ETS1: variants seen among roughly 807,000 people sequenced by gnomAD.
ETS1 encodes the protein protein C-ets-1.
ETS1 carries 15 observed loss-of-function variants against 58.6 expected under a neutral mutation model. The observed-to-expected ratio is 0.26, with a 90% CI of 0.17 to 0.39. The LOEUF (loss-of-function observed/expected upper bound fraction) is 0.39. ETS1 is among the 10% of genes least tolerant of loss of function. The probability of loss-of-function intolerance (pLI) is 1.00; values close to 1 mark genes in which losing one functional copy is unlikely to be tolerated. For synonymous variants in ETS1, 214 were observed against 218.2 expected (o/e 0.98, Z 0.17); for missense variants, 417 against 610.5 (o/e 0.68, Z 3.34).
chr11:128,493,375 C>T (rs1208797596), intron 3 of ETS1, among the ~76,000 whole-genome samples: 3 of 152,210 alleles, frequency 2.0e-5, no homozygotes, highest in Admixed American at 6.5e-5. Context: ...GGGGCAGGCA[C>T]TTCTGGGTTC....
chr11:128,509,440 G>C (rs1863330787), intron 3 of ETS1, among the ~76,000 whole-genome samples: 1 of 152,122 alleles, frequency 6.6e-6, no homozygotes, highest in Non-Finnish European at 1.5e-5. Context: ...GTCTAATCTG[G>C]AGAGTGGGGG....
chr11:128,490,377 C>T, intron 4 of ETS1, 80 bp downstream of exon 4: 2 of 1,486,888 alleles, frequency 1.3e-6, no homozygotes, highest in Non-Finnish European at 1.9e-6. Context: ...TAACGTCTGC[C>T]TCACACACTC....
intron 5 of ETS1, among the ~76,000 whole-genome samples, chr11:128,488,417 G>A (rs776266430): frequency 3.9e-5 from 6 of 152,094 alleles, no homozygotes; most frequent in African/African-American, 9.7e-5. Flanking sequence ...GGTATAATGC[G>A]GGGTAAAAGT....
intron 3 of ETS1, among the ~76,000 whole-genome samples, chr11:128,503,693 C>A (rs1271971514): frequency 6.6e-6 from 1 of 152,178 alleles, no homozygotes; most frequent in Non-Finnish European, 1.5e-5. Flanking sequence ...CTGCTCCCAA[C>A]AGACTAATTA....
rs185957139 is a variant in ETS1 at position 128,547,212 on chromosome 11, C to T, written c.214+9079G>A. On this transcript the variant is annotated intron_variant, in intron 3 of 9. Coordinates refer to ENST00000392668, the MANE Select transcript of ETS1 (RefSeq NM_001143820.2). ...TCCCAGTTCAACAAAATGTGCACTGCGTACTCTAGAAGTACAATGTGCTAA... is the reference window on the plus strand; with the variant it reads ...TCCCAGTTCAACAAAATGTGCACTGTGTACTCTAGAAGTACAATGTGCTAA... Among the ~76,000 whole-genome samples the T allele has an allele frequency of 2.0e-4, 31 of 152,310 alleles. No homozygotes were observed. The East Asian group carries it at 5.2e-3, about 26-fold the overall frequency.
chr11:128,492,237 C>T (rs188989207), intron 3 of ETS1, among the ~76,000 whole-genome samples: 3 of 152,284 alleles, frequency 2.0e-5, no homozygotes, highest in South Asian at 2.1e-4. Flanking sequence ...AAATATTCCC[C>T]GGACACAAAC....
intron 3 of ETS1, among the ~76,000 whole-genome samples, chr11:128,518,805 C>T (rs955569134): frequency 1.3e-5 from 2 of 152,204 alleles, no homozygotes; most frequent in Admixed American, 6.5e-5. Context: ...CTAAGTATAA[C>T]GCATGTTCCC....
rs1298037969 is a variant in ETS1, at chr11:128,460,010, T to C, written c.*2351A>G. The C allele has an allele frequency of 6.6e-6, 1 of 152,464 alleles. No homozygotes were observed. The highest frequency in any genetic ancestry group is 1.5e-5 in the Non-Finnish European group (1 of 68,020). The allele number at this position is 152,464 out of a possible 1,614,324, so 9.4% of individuals were successfully genotyped here. ...GTTCTACTCTTACCCATTATTGAAATGTGGAAAGACTTACCTAGAAATCTA... is the reference window on the plus strand; with the variant it reads ...GTTCTACTCTTACCCATTATTGAAACGTGGAAAGACTTACCTAGAAATCTA... On this transcript the variant is annotated 3_prime_UTR_variant, in exon 10 of 10. Transcript: ENST00000392668.
At chr11:128,474,660 C>T (rs955684674) in intron 8 of ETS1, among the ~76,000 whole-genome samples, 13 of 152,098 alleles carry the variant, frequency 8.5e-5, no homozygotes, top group African/African-American at 1.2e-4. Flanking sequence ...CCCAGGTCCA[C>T]GCCAGGCACC....
chr11:128,497,438 G>A (rs545609070), intron 3 of ETS1: 4 of 209,802 alleles, frequency 1.9e-5, no homozygotes, highest in African/African-American at 9.4e-5. Flanking sequence ...CTGTAGAGAG[G>A]GCTCAGCACA....
intron 8 of ETS1, among the ~76,000 whole-genome samples, chr11:128,467,950 C>T (rs960825390): frequency 6.6e-6 from 1 of 152,138 alleles, no homozygotes; most frequent in Non-Finnish European, 1.5e-5. Flanking sequence ...GCTGTCTGCT[C>T]CCTCTCCACC....
intron 3 of ETS1, among the ~76,000 whole-genome samples, chr11:128,533,983 C>G (rs1258567866): frequency 6.6e-6 from 1 of 152,214 alleles, no homozygotes; most frequent in Non-Finnish European, 1.5e-5. Context: ...ATGGTACATT[C>G]AGGCCTACTT....
At chr11:128,510,285 T>C (rs1863358166) in intron 3 of ETS1, among the ~76,000 whole-genome samples, 1 of 152,206 alleles carries the variant, frequency 6.6e-6, no homozygotes, top group Non-Finnish European at 1.5e-5. Flanking sequence ...CCACTCTCTC[T>C]CAAAGAAAGG....
At chr11:128,468,687 A>G (rs1862104370) in intron 8 of ETS1, among the ~76,000 whole-genome samples, 1 of 152,142 alleles carries the variant, frequency 6.6e-6, no homozygotes, top group Non-Finnish European at 1.5e-5. Flanking sequence ...CAGTCTCCTC[A>G]TATTTCCATA....
intron 3 of ETS1, among the ~76,000 whole-genome samples, chr11:128,492,333 G>A (rs1862824447): frequency 6.6e-6 from 1 of 152,204 alleles, no homozygotes; most frequent in Non-Finnish European, 1.5e-5. Context: ...GTCGAACTAA[G>A]TGGAGATTAC....
intron 2 of ETS1, among the ~76,000 whole-genome samples, chr11:128,556,638 A>G (rs1329023373): frequency 6.6e-6 from 1 of 152,202 alleles, no homozygotes; most frequent in Non-Finnish European, 1.5e-5. Flanking sequence ...GACTCAGACT[A>G]TGTATGAATT....
intron 1 of ETS1, among the ~76,000 whole-genome samples, chr11:128,586,988 A>G (rs1187471885): frequency 1.3e-5 from 2 of 152,194 alleles, no homozygotes; most frequent in East Asian, 3.8e-4. Context: ...GAAAAACACC[A>G]AACAGGCTAG....
intron 2 of ETS1, among the ~76,000 whole-genome samples, chr11:128,560,420 T>A (rs148542061): frequency 2.7e-4 from 41 of 152,320 alleles, no homozygotes; most frequent in African/African-American, 9.4e-4. Flanking sequence ...GCCGAGATGG[T>A]CACTTTTAAT....
chr11:128,467,424 A>C (rs569428981), intron 8 of ETS1, among the ~76,000 whole-genome samples: 62 of 152,288 alleles, frequency 4.1e-4, no homozygotes, highest in Middle Eastern at 6.8e-3. Flanking sequence ...CGACTCTTCT[A>C]GAGGGTGTTT....
Sources: gnomAD v4.1 joint callset for allele counts (sites outside exome capture counted in the v4.1 genomes callset) on GRCh38, gnomAD v4.1.1 for gene constraint, MANE v1.5 for transcripts, NCBI Gene and HGNC (gene_info 2026-07-23, HGNC 2026-07-21) for gene names.